Variants in USH2A observed in about 807,000 individuals in gnomAD.
The protein encoded by USH2A is usherin, also known as Usher syndrome 2A (autosomal recessive, mild).
Under a neutral mutation model 538.9 loss-of-function variants are expected in USH2A, and 443 were observed. That is an observed-to-expected ratio of 0.82 (90% CI 0.76 to 0.89). USH2A has a LOEUF of 0.89. USH2A is among the 40% of genes least tolerant of loss of function. The pLI, the probability that USH2A is intolerant of heterozygous loss-of-function variation, is 0.00. For synonymous variants in USH2A, 2,413 were observed against 2,273.5 expected, an observed-to-expected ratio of 1.06 and a Z score of -1.75; for missense variants, 6,633 against 6,324.8, an observed-to-expected ratio of 1.05 and a Z score of -1.65.
intron 37 of USH2A, among the ~76,000 whole-genome samples, chr1:215,949,941 A>G (rs1314967870): frequency 2.6e-5 from 4 of 152,182 alleles, no homozygotes; most frequent in Non-Finnish European, 5.9e-5. Flanking sequence ...ATAGGAAAAG[A>G]ACATATGGAA....
intron 4 of USH2A, among the ~76,000 whole-genome samples, chr1:216,354,437 A>T (rs1021237052): frequency 7.2e-5 from 11 of 152,308 alleles, no homozygotes; most frequent in Non-Finnish European, 1.6e-4. Context: ...GGAATTATCA[A>T]ATAGGGATTT....
At chr1:216,291,671 T>G (rs1475506456) in intron 10 of USH2A, among the ~76,000 whole-genome samples, 1 of 152,224 alleles carries the variant, frequency 6.6e-6, no homozygotes, top group Non-Finnish European at 1.5e-5. Context: ...TCAAAGGCTT[T>G]GTAGTTTTAG....
At chr1:215,971,575 G>A (rs1050849623) in intron 35 of USH2A, among the ~76,000 whole-genome samples, 8 of 152,138 alleles carry the variant, frequency 5.3e-5, no homozygotes, top group Non-Finnish European at 1.2e-4. Context: ...GGGCAACATA[G>A]AGAGACCCTA....
At chr1:216,041,211 C>T (rs911149016) in intron 32 of USH2A, among the ~76,000 whole-genome samples, 2 of 152,066 alleles carry the variant, frequency 1.3e-5, no homozygotes, top group Non-Finnish European at 2.9e-5. Flanking sequence ...CAACAGCCTT[C>T]GGGAGGTTCT....
rs1245189033 is a variant in USH2A, at chr1:216,086,699, A to C, written c.4987+20T>G. The C allele has an allele frequency of 1.9e-6, 3 of 1,563,992 alleles. No individual in the cohort carries two copies. Among genetic ancestry groups the C allele is most frequent in the Non-Finnish European group, 2.6e-6 (3 of 1,135,708 alleles). On this transcript the variant is annotated intron_variant, in intron 24 of 71. Coordinates refer to ENST00000307340, the MANE Select transcript of USH2A (RefSeq NM_206933.4). ...TTCTAAGTTTGGATGACAACATATA[A>C]TATACCTTACTAAACTCACCAGGAT...
intron 70 of USH2A, chr1:215,630,172 G>T: frequency 2.0e-6 from 1 of 504,352 alleles, no homozygotes; most frequent in South Asian, 1.4e-5. Context: ...ATGCATTCAT[G>T]CAGCACACAG....
At chr1:216,023,571 T>TATAC (rs1668896251) in intron 32 of USH2A, among the ~76,000 whole-genome samples, 1 of 150,676 alleles carries the variant, frequency 6.6e-6, no homozygotes, top group South Asian at 2.1e-4. Flanking sequence ...TGAGTAACAG[T>TATAC]ATACATACAC....
intron 27 of USH2A, among the ~76,000 whole-genome samples, chr1:216,074,879 G>C (rs1409659707): frequency 1.3e-5 from 2 of 152,010 alleles, no homozygotes; most frequent in African/African-American, 4.8e-5. Flanking sequence ...TTTTTTGAGG[G>C]GTACATAGTT....
rs746007103 is a variant in USH2A, at chr1:215,817,064, C to A, written c.9503G>T (p.Cys3168Phe). 3.3e-5 allele frequency: 53 copies of A among 1,612,816 alleles called. No individual in the cohort carries two copies. Among genetic ancestry groups the A allele is most frequent in the Non-Finnish European group, 4.4e-5 (52 of 1,179,092 alleles). ...AGGTTTTTGACACCTCACTGCCTTG[C>A]AGAGCTCATCACTCTGATCCTGCAC... ...KLVQDQSDEL[C>F]KAVRCQKPES... The change falls in exon 48 of 72, where the codon TGC (cysteine) becomes TTC (phenylalanine). Residue 3168 changes from cysteine to phenylalanine, a missense_variant. Cys to Phe is a radical substitution (Grantham distance 205). Coordinates refer to ENST00000307340, the MANE Select transcript of USH2A (RefSeq NM_206933.4).
intron 15 of USH2A, among the ~76,000 whole-genome samples, chr1:216,208,901 C>T (rs2035177332): frequency 6.6e-6 from 1 of 152,150 alleles, no homozygotes; most frequent in South Asian, 2.1e-4. Context: ...CTTAGAAACT[C>T]AGTGCACAGG....
At chr1:216,194,112 G>A (rs2034783029) in intron 19 of USH2A, 1 of 152,036 alleles carries the variant, frequency 6.6e-6, no homozygotes, top group South Asian at 2.1e-4. Flanking sequence ...CTGCTTCCGG[G>A]GGAATTTGCC....
At chr1:216,177,383 G>A (rs1256729504) in intron 20 of USH2A, among the ~76,000 whole-genome samples, 5 of 152,102 alleles carry the variant, frequency 3.3e-5, no homozygotes, top group South Asian at 2.1e-4. Flanking sequence ...CCTTTTATAC[G>A]CTATTTTCTA....
chr1:216,278,964 G>C (rs574460644), intron 11 of USH2A, among the ~76,000 whole-genome samples: 18 of 152,232 alleles, frequency 1.2e-4, no homozygotes, highest in Non-Finnish European at 2.2e-4. Flanking sequence ...CATGAGTAGG[G>C]TCTCTGTTCC....
rs560278678 is a variant in USH2A at position 215,725,166 on chromosome 1, A to G, written c.12066+2864T>C. 3.9e-5 allele frequency among the ~76,000 whole-genome samples: 6 copies of G among 152,158 alleles called. No individual in the cohort carries two copies. In the South Asian group the frequency reaches 6.2e-4, roughly 16 times the overall value. On this transcript the variant is annotated intron_variant, in intron 61 of 71. Coordinates refer to ENST00000307340, the MANE Select transcript of USH2A (RefSeq NM_206933.4). The stretch of plus-strand genomic sequence containing the variant: ...CTCCTGCCTCAGCCTCTCAAATAGT[A>G]AAAATACTAAAAATAGTGTTTTTAG...
intron 21 of USH2A, among the ~76,000 whole-genome samples, chr1:216,134,648 CT>C (rs2033445523): frequency 1.3e-5 from 2 of 152,236 alleles, no homozygotes; most frequent in African/African-American, 4.8e-5. Flanking sequence ...AGTGGACAAA[CT>C]TTTCATATTG....
intron 38 of USH2A, among the ~76,000 whole-genome samples, chr1:215,926,294 T>G (rs1243939941): frequency 6.6e-6 from 1 of 151,320 alleles, no homozygotes; most frequent in African/African-American, 2.4e-5. Flanking sequence ...TCTAAGGTCT[T>G]AGAAAGAGAT....
chr1:215,978,225 A>G (rs903799883), intron 35 of USH2A, among the ~76,000 whole-genome samples: 1 of 152,200 alleles, frequency 6.6e-6, no homozygotes, highest in Admixed American at 6.5e-5. Flanking sequence ...AACTCCAAAA[A>G]ATAAGAATTG....
At chr1:216,097,747 C>G (rs374814784) in intron 21 of USH2A, among the ~76,000 whole-genome samples, 1 of 152,192 alleles carries the variant, frequency 6.6e-6, no homozygotes. Context: ...TCTTTACTGA[C>G]CCTTCAGAGC....
At chr1:216,168,696 A>G (rs1366365551) in intron 21 of USH2A, among the ~76,000 whole-genome samples, 1 of 152,084 alleles carries the variant, frequency 6.6e-6, no homozygotes, top group African/African-American at 2.4e-5. Flanking sequence ...AACCTCCCCA[A>G]ATTGCTCCTG....
Sources: allele counts gnomAD v4.1 joint callset (sites outside exome capture counted in the v4.1 genomes callset), GRCh38; gene constraint gnomAD v4.1.1; transcripts MANE v1.5; gene names NCBI Gene and HGNC (gene_info 2026-07-23, HGNC 2026-07-21).